The following PPM1E variants were observed in gnomAD, a reference collection of about 807,000 sequenced individuals.
The protein encoded by PPM1E is protein phosphatase 1E.
A neutral mutation model predicts 65.9 loss-of-function variants in PPM1E; 20 were observed. That is an observed-to-expected ratio of 0.30 (90% CI 0.21 to 0.44). The LOEUF (loss-of-function observed/expected upper bound fraction) is 0.44. Among genes scored for constraint, PPM1E ranks in the 20% least tolerant of loss-of-function variants. The pLI is 1.00. For missense variants in PPM1E, 713 were observed against 953.1 expected, an observed-to-expected ratio of 0.75 and a Z score of 3.32; for synonymous variants, 352 against 374.9, an observed-to-expected ratio of 0.94 and a Z score of 0.70.
chr17:58,981,094 C>T lies in PPM1E; in HGVS notation c.*63C>T, dbSNP rs2031334131. 8.6e-7 allele frequency: 1 copy of T among 1,167,456 alleles called. No homozygotes were observed. Among genetic ancestry groups the T allele is most frequent in the Non-Finnish European group, 1.2e-6 (1 of 823,942 alleles). 72.3% of individuals were successfully genotyped at this position (1,167,456 alleles called of 1,614,324 possible). On this transcript the variant is annotated 3_prime_UTR_variant, in exon 7 of 7. Transcript: ENST00000308249. ...AAAAATACCACTATCAGAGTAGAAACAAGGTAGACATTTCTAAAACATATG... is the reference window on the plus strand; with the variant it reads ...AAAAATACCACTATCAGAGTAGAAATAAGGTAGACATTTCTAAAACATATG...
chr17:58,909,916 TTC>T (rs1173110597), intron 1 of PPM1E, among the ~76,000 whole-genome samples: 1 of 122,196 alleles, frequency 8.2e-6, no homozygotes, highest in Non-Finnish European at 1.7e-5. Flanking sequence ...TCTTTCTTTT[TTC>T]TTTTTCTTTT....
intron 1 of PPM1E, among the ~76,000 whole-genome samples, chr17:58,779,409 G>A (rs1034126304): frequency 1.3e-5 from 2 of 151,956 alleles, no homozygotes; most frequent in African/African-American, 4.8e-5. Flanking sequence ...CCGACCTCAG[G>A]TGATCTGCCC....
In PPM1E at chr17:58,914,520, G is replaced by T. The variant is rs1298340341; in HGVS notation, c.465-41129G>T. On this transcript the variant is annotated intron_variant, in intron 1 of 6. Coordinates refer to ENST00000308249, the MANE Select transcript of PPM1E (RefSeq NM_014906.5). Reference sequence around the variant, plus strand: ...ATGTTTTCCAAAAGACTAGACTGGGGTTATGGGCTTCTGGAAAGAATACCA... The same window carrying T: ...ATGTTTTCCAAAAGACTAGACTGGGTTTATGGGCTTCTGGAAAGAATACCA... 2.6e-5 allele frequency among the ~76,000 whole-genome samples: 4 copies of T among 152,152 alleles called. No homozygotes were observed. In the East Asian group the frequency reaches 7.7e-4, roughly 29 times the overall value.
chr17:58,793,905 G>T (rs891305704), intron 1 of PPM1E, among the ~76,000 whole-genome samples: 3 of 151,918 alleles, frequency 2.0e-5, no homozygotes, highest in Non-Finnish European at 4.4e-5. Context: ...GTGCAGCAGC[G>T]CAATCTTGGC....
intron 1 of PPM1E, among the ~76,000 whole-genome samples, chr17:58,852,795 G>A (rs1299651614): frequency 6.6e-6 from 1 of 151,658 alleles, no homozygotes; most frequent in African/African-American, 2.4e-5. Context: ...TTAGAGACGG[G>A]GTTTCACCGT....
intron 1 of PPM1E, among the ~76,000 whole-genome samples, chr17:58,767,012 G>A (rs1277311764): frequency 6.6e-6 from 1 of 152,078 alleles, no homozygotes; most frequent in Non-Finnish European, 1.5e-5. Flanking sequence ...AAACAGTTTT[G>A]TGTCTAATAA....
intron 1 of PPM1E, among the ~76,000 whole-genome samples, chr17:58,883,142 G>C (rs1000187261): frequency 1.3e-5 from 2 of 151,276 alleles, no homozygotes; most frequent in African/African-American, 4.9e-5. Context: ...GTTTTTAGTT[G>C]AGACGGAGTT....
intron 1 of PPM1E, among the ~76,000 whole-genome samples, chr17:58,947,145 T>C (rs66506464): frequency 0.13 from 15,795 of 119,752 alleles, 1,643 homozygotes; most frequent in Non-Finnish European, 0.18. Context: ...TTTTAGACAG[T>C]CTTGCTCTGT....
intron 1 of PPM1E, among the ~76,000 whole-genome samples, chr17:58,863,203 G>A (rs1396784534): frequency 2.6e-5 from 4 of 152,184 alleles, no homozygotes; most frequent in African/African-American, 4.8e-5. Flanking sequence ...GGTGGCTCAC[G>A]CCTGTAATCC....
intron 1 of PPM1E, among the ~76,000 whole-genome samples, chr17:58,791,697 T>C (rs1306149175): frequency 1.3e-5 from 2 of 152,196 alleles, no homozygotes; most frequent in Non-Finnish European, 2.9e-5. Flanking sequence ...CCAGAGGTTA[T>C]AGGTGATGCC....
At chr17:58,812,048 C>A (rs116666019) in intron 1 of PPM1E, among the ~76,000 whole-genome samples, 1,615 of 151,948 alleles carry the variant, frequency 0.011, 28 homozygotes, top group African/African-American at 0.037. Flanking sequence ...ATATATAAGA[C>A]CTTGCTCATT....
intron 2 of PPM1E, among the ~76,000 whole-genome samples, chr17:58,962,355 A>C (rs1019051929): frequency 6.6e-6 from 1 of 152,166 alleles, no homozygotes; most frequent in Admixed American, 6.5e-5. Flanking sequence ...GCAGATCTAC[A>C]TAAGAGTAAT....
At chr17:58,925,572 C>T (rs931300499) in intron 1 of PPM1E, among the ~76,000 whole-genome samples, 5 of 152,100 alleles carry the variant, frequency 3.3e-5, no homozygotes, top group African/African-American at 1.2e-4. Flanking sequence ...TCCCGAGTAG[C>T]TGGGACTACA....
chr17:58,917,107 G>A (rs2051692641), intron 1 of PPM1E, among the ~76,000 whole-genome samples: 1 of 151,988 alleles, frequency 6.6e-6, no homozygotes, highest in Admixed American at 6.6e-5. Flanking sequence ...CTACTCGGGA[G>A]GCTGAGGCAT....
rs781562709 is a variant in PPM1E at position 58,969,687 on chromosome 17, G to A, written c.932G>A (p.Arg311Gln). The change falls in exon 4 of 7, where the codon CGG becomes CAG. Residue 311 changes from arginine to glutamine, a missense_variant. Arg to Gln is a conservative substitution (Grantham distance 43). Coordinates refer to ENST00000308249, the MANE Select transcript of PPM1E (RefSeq NM_014906.5). ...DPAEALCRAFRVTDERFVQKA... is the reference protein window; with the variant it reads ...DPAEALCRAFQVTDERFVQKA... ...GCTGAGGCCCTGTGCAGGGCCTTCCGGGTCACTGATGAGCGGTTTGTGCAG... is the reference window on the plus strand; with the variant it reads ...GCTGAGGCCCTGTGCAGGGCCTTCCAGGTCACTGATGAGCGGTTTGTGCAG... 8.1e-6 allele frequency: 13 copies of A among 1,614,044 alleles called. No individual in the cohort carries two copies. Among genetic ancestry groups the A allele is most frequent in the South Asian group, 5.5e-5 (5 of 91,080 alleles).
chr17:58,955,644 T>G lies in PPM1E; in HGVS notation c.465-5T>G, dbSNP rs1367010791. On this transcript the variant is annotated splice_region_variant and splice_polypyrimidine_tract_variant and intron_variant, in intron 1 of 6. Transcript: ENST00000308249. Reference sequence around the variant, plus strand: ...GAAAATGGCCTTTTATCTTTTTTCTTGCAGTAATTGCCCTTCCTTTTTGGC... The same window carrying G: ...GAAAATGGCCTTTTATCTTTTTTCTGGCAGTAATTGCCCTTCCTTTTTGGC... The G allele has an allele frequency of 3.1e-6, 5 of 1,613,202 alleles. No individual in the cohort carries two copies. In the South Asian group the frequency reaches 5.5e-5, roughly 18 times the overall value.
rs375531044 is a variant in PPM1E at position 58,839,528 on chromosome 17, T to A, written c.464+83067T>A. On this transcript the variant is annotated intron_variant, in intron 1 of 6. Transcript: ENST00000308249. ...AAAGGCCAAAGGAACTGTACAAGAG[T>A]ACTTACTCAAGTTGATAAAGTTTTT... Among the ~76,000 whole-genome samples the A allele has an allele frequency of 3.9e-5, 6 of 152,104 alleles. No homozygotes were observed. In the East Asian group the frequency reaches 1.2e-3, roughly 29 times the overall value.
In PPM1E at chr17:58,756,307, ACGGCGG is replaced by A. The variant is rs1374204059; in HGVS notation, c.315_320del (p.Ala107_Ala108del). The A allele has an allele frequency of 6.6e-7, 1 of 1,507,536 alleles. No homozygotes were observed. Among genetic ancestry groups the A allele is most frequent in the African/African-American group, 1.4e-5 (1 of 70,020 alleles). The allele number at this position is 1,507,536 out of a possible 1,614,324, so 93.4% of individuals were successfully genotyped here. On this transcript the variant is annotated inframe_deletion, in exon 1 of 7. Coordinates refer to ENST00000308249, the MANE Select transcript of PPM1E (RefSeq NM_014906.5). The stretch of plus-strand genomic sequence containing the variant: ...TGAGGAGGAGGAGGAGGGCGCGGCG[ACGGCGG>A]CGGCAGCCCCGGGGCACTCGGCCGT...
intron 1 of PPM1E, among the ~76,000 whole-genome samples, chr17:58,769,113 C>T (rs1325936994): frequency 2.0e-5 from 3 of 151,870 alleles, no homozygotes; most frequent in Admixed American, 1.3e-4. Flanking sequence ...ACTAAGATGC[C>T]TGGAGATATT....
Sources: allele counts gnomAD v4.1 joint callset (sites outside exome capture counted in the v4.1 genomes callset), GRCh38; gene constraint gnomAD v4.1.1; transcripts MANE v1.5; gene names NCBI Gene and HGNC (gene_info 2026-07-23, HGNC 2026-07-21).